Variants in NFIL3 observed in about 807,000 individuals in gnomAD.
The protein encoded by NFIL3 is nuclear factor, interleukin 3 regulated, also known as nuclear factor interleukin-3-regulated protein.
NFIL3 carries 5 observed loss-of-function variants against 10.0 expected under a neutral mutation model. The observed-to-expected ratio is 0.50, with a 90% CI of 0.26 to 1.06. The LOEUF is 1.06. NFIL3 is among the 50% of genes least tolerant of loss of function. The pLI is 0.13. For synonymous variants in NFIL3, 202 were observed against 206.5 expected (o/e 0.98, Z 0.19); for missense variants, 436 against 547.6 (o/e 0.80, Z 2.03).
the NFIL3 span, among the ~76,000 whole-genome samples, chr9:91,458,796 T>C: frequency 6.6e-6 from 1 of 152,130 alleles, no homozygotes; most frequent in Non-Finnish European, 1.5e-5. Flanking sequence ...GCTTGAGGCC[T>C]GGAATTTTGA....
chr9:91,410,277 T>C lies in NFIL3; in HGVS notation c.458A>G (p.Gln153Arg). 1.9e-6 allele frequency: 3 copies of C among 1,614,216 alleles called. No homozygotes were observed. Among genetic ancestry groups the C allele is most frequent in the Non-Finnish European group, 2.5e-6 (3 of 1,180,030 alleles). The stretch of plus-strand genomic sequence containing the variant: ...TGAACTCACATTGGATTTGGAAGTC[T>C]GGTAATCTTGAAAGTACACAGCTGT... ...NSTAVYFQDY[Q>R]TSKSNVSSFV... Residue 153 changes from glutamine to arginine, a missense_variant, in exon 2 of 2, where the codon CAG becomes CGG. This residue lies in a region of NFIL3 where 338 missense variants were observed against 399.9 expected (regional missense o/e 0.85). Coordinates refer to ENST00000297689, the MANE Select transcript of NFIL3 (RefSeq NM_005384.3). The surrounding 1 kb of genome is among the most constrained non-coding windows in gnomAD (Gnocchi z 5.7).
the NFIL3 span, among the ~76,000 whole-genome samples, chr9:91,450,416 A>G: frequency 6.6e-6 from 1 of 152,062 alleles, no homozygotes; most frequent in South Asian, 2.1e-4. Flanking sequence ...TTTCATTTTC[A>G]TTAGTCTCCA....
At chr9:91,466,407 G>C in the NFIL3 span, among the ~76,000 whole-genome samples, 82 of 152,252 alleles carry the variant, frequency 5.4e-4, 1 homozygote, top group African/African-American at 1.9e-3. Context: ...ATAAAAAGCA[G>C]CTAAGACTGT....
At chr9:91,419,359 G>A (rs905870650) in intron 1 of NFIL3, among the ~76,000 whole-genome samples, 7 of 152,162 alleles carry the variant, frequency 4.6e-5, no homozygotes, top group Non-Finnish European at 1.0e-4. Flanking sequence ...TGACTCTAAT[G>A]ACCAAGGCAA....
upstream of NFIL3, among the ~76,000 whole-genome samples, chr9:91,428,433 G>A (rs72741236): frequency 0.014 from 2,089 of 152,134 alleles, 50 homozygotes; most frequent in East Asian, 0.078. Context: ...TCTGCCTCTC[G>A]GTCCCCTAAC....
the NFIL3 span, among the ~76,000 whole-genome samples, chr9:91,439,933 T>G: frequency 6.6e-6 from 1 of 152,162 alleles, no homozygotes; most frequent in East Asian, 1.9e-4. Context: ...AATTGAGAAT[T>G]TTTTGCATTA....
At chr9:91,426,650 C>G (rs940839145), upstream of NFIL3, among the ~76,000 whole-genome samples, 1 of 152,116 alleles carries the variant, frequency 6.6e-6, no homozygotes, top group African/African-American at 2.4e-5. Flanking sequence ...AGAAGACAAT[C>G]AACCACATTC....
At chr9:91,442,191 T>C in the NFIL3 span, among the ~76,000 whole-genome samples, 1 of 152,208 alleles carries the variant, frequency 6.6e-6, no homozygotes, top group Non-Finnish European at 1.5e-5. Flanking sequence ...CCTTCATTTC[T>C]TAAGGACAGC....
At chr9:91,460,423 C>T in the NFIL3 span, among the ~76,000 whole-genome samples, 2 of 151,670 alleles carry the variant, frequency 1.3e-5, no homozygotes, top group African/African-American at 4.9e-5. Flanking sequence ...TATAGGTGTG[C>T]ACCATCATGC....
At chr9:91,439,444 T>C in the NFIL3 span, among the ~76,000 whole-genome samples, 1 of 152,124 alleles carries the variant, frequency 6.6e-6, no homozygotes, top group African/African-American at 2.4e-5. Context: ...ACATATAGGA[T>C]TGTACAATCT....
chr9:91,479,141 G>A, the NFIL3 span, among the ~76,000 whole-genome samples: 3 of 152,344 alleles, frequency 2.0e-5, no homozygotes, highest in East Asian at 5.8e-4. Context: ...CACTTGAGGA[G>A]GCAGTCTGTC....
intron 1 of NFIL3, among the ~76,000 whole-genome samples, chr9:91,414,487 G>A (rs1413019118): frequency 3.9e-5 from 6 of 152,226 alleles, no homozygotes; most frequent in African/African-American, 7.2e-5. Context: ...TTGAACTCCC[G>A]ACCTCAGGTG....
chr9:91,458,319 G>A, the NFIL3 span, among the ~76,000 whole-genome samples: 3 of 152,058 alleles, frequency 2.0e-5, no homozygotes. Context: ...ATTTCATTAT[G>A]AGATTCAGGG....
the NFIL3 span, among the ~76,000 whole-genome samples, chr9:91,460,779 AATGAACATC>A: frequency 6.6e-6 from 1 of 152,296 alleles, no homozygotes; most frequent in East Asian, 1.9e-4. Context: ...AGAAGTCAAA[AATGAACATC>A]TGGCTCATAA....
At chr9:91,447,305 CTGTT>C in the NFIL3 span, among the ~76,000 whole-genome samples, 1 of 152,160 alleles carries the variant, frequency 6.6e-6, no homozygotes, top group Non-Finnish European at 1.5e-5. Flanking sequence ...ATTCCAGTAT[CTGTT>C]TGAGTCCTGC....
At chr9:91,461,570 C>T in the NFIL3 span, among the ~76,000 whole-genome samples, 3 of 152,170 alleles carry the variant, frequency 2.0e-5, no homozygotes, top group East Asian at 5.8e-4. Context: ...CTTGGGAAGA[C>T]CTTGCCTTGC....
At chr9:91,419,114 T>G (rs1833711826) in intron 1 of NFIL3, among the ~76,000 whole-genome samples, 1 of 152,146 alleles carries the variant, frequency 6.6e-6, no homozygotes, top group Non-Finnish European at 1.5e-5. Context: ...AAACAAGAAA[T>G]GAATATTAAA....
the NFIL3 span, among the ~76,000 whole-genome samples, chr9:91,436,468 C>T: frequency 6.6e-6 from 1 of 152,048 alleles, no homozygotes; most frequent in Non-Finnish European, 1.5e-5. Context: ...GTTTCAGCTA[C>T]TCCGGAGGCT....
chr9:91,411,384 C>T (rs1485171700), intron 1 of NFIL3, among the ~76,000 whole-genome samples: 1 of 152,150 alleles, frequency 6.6e-6, no homozygotes, highest in Non-Finnish European at 1.5e-5. Flanking sequence ...AGGGACTTTA[C>T]CAAGTAAACT....
Sources: gnomAD v4.1 joint callset for allele counts (sites outside exome capture counted in the v4.1 genomes callset) on GRCh38, gnomAD v4.1.1 for gene constraint, gnomAD v4.1.1 regional missense constraint, Gnocchi (gnomAD v3.1) non-coding constraint, MANE v1.5 for transcripts, NCBI Gene and HGNC (gene_info 2026-07-23, HGNC 2026-07-21) for gene names.